The following DAB1 variants were observed in gnomAD, a reference collection of about 807,000 sequenced individuals.
DAB1 encodes the protein DAB adaptor protein 1.
In DAB1, 15 loss-of-function variants were observed where a neutral mutation model predicts 64.6. The ratio of observed to expected loss-of-function variants is 0.23; its 90% confidence interval spans 0.16 to 0.36. The LOEUF (loss-of-function observed/expected upper bound fraction) is 0.36, where lower values mean the gene tolerates loss of function less well. DAB1 is among the 10% of genes least tolerant of loss of function. DAB1 has a pLI of 1.00. For synonymous variants in DAB1, 235 were observed against 251.9 expected (o/e 0.93, Z 0.64); for missense variants, 596 against 706.7 (o/e 0.84, Z 1.78).
intron 7 of DAB1, among the ~76,000 whole-genome samples, chr1:57,530,124 C>T (rs1361933480): frequency 6.6e-6 from 1 of 152,106 alleles, no homozygotes; most frequent in African/African-American, 2.4e-5. Flanking sequence ...TAGGAGGACA[C>T]GTGCAAATAC....
At chr1:58,099,786 A>T (rs927813574) in intron 5 of DAB1, among the ~76,000 whole-genome samples, 2 of 152,176 alleles carry the variant, frequency 1.3e-5, no homozygotes, top group African/African-American at 4.8e-5. Context: ...CACAGGAAAA[A>T]AGTTTATTGT....
At chr1:57,821,276 A>C (rs1197049199), downstream of DAB1, among the ~76,000 whole-genome samples, 1 of 152,174 alleles carries the variant, frequency 6.6e-6, no homozygotes, top group Non-Finnish European at 1.5e-5. Context: ...GCCAGAAGGT[A>C]CACTCAATAA....
At chr1:58,412,951 T>A (rs1040178884) in intron 3 of DAB1, among the ~76,000 whole-genome samples, 2 of 152,248 alleles carry the variant, frequency 1.3e-5, no homozygotes, top group African/African-American at 4.8e-5. Flanking sequence ...GAGAGACCTA[T>A]TTAAATAAGT....
intron 5 of DAB1, among the ~76,000 whole-genome samples, chr1:58,063,618 G>A (rs1648649536): frequency 6.6e-6 from 1 of 152,186 alleles, no homozygotes. Flanking sequence ...GCAACTGGGT[G>A]TCTCAGAGCC....
chr1:58,508,185 T>C (rs1168535863), intron 2 of DAB1, among the ~76,000 whole-genome samples: 1 of 152,202 alleles, frequency 6.6e-6, no homozygotes, highest in Non-Finnish European at 1.5e-5. Context: ...ACTTGAGATA[T>C]CTACTTTAAT....
At chr1:58,096,228 T>C (rs1316423055) in intron 5 of DAB1, among the ~76,000 whole-genome samples, 3 of 152,242 alleles carry the variant, frequency 2.0e-5, no homozygotes, top group Non-Finnish European at 4.4e-5. Context: ...CTTTGTGTGG[T>C]TGGTGTCTCT....
chr1:58,453,944 C>T (rs1163104003), intron 3 of DAB1, among the ~76,000 whole-genome samples: 3 of 152,078 alleles, frequency 2.0e-5, no homozygotes, highest in Non-Finnish European at 4.4e-5. Flanking sequence ...GGCTCTCCCT[C>T]ACACCTGCTT....
chr1:58,374,195 T>A (rs1644300463), intron 3 of DAB1, among the ~76,000 whole-genome samples: 2 of 124,510 alleles, frequency 1.6e-5, no homozygotes, highest in Non-Finnish European at 3.5e-5. Context: ...TAGATCCCAT[T>A]TGTCAATTTT....
intron 1 of DAB1, among the ~76,000 whole-genome samples, chr1:57,387,821 C>CAAAAAAAAAAAAAAAAAAA (rs55950458): frequency 9.6e-6 from 1 of 104,322 alleles, no homozygotes. Context: ...GACTCAGCCT[C>CAAAAAAAAAAAAAAAAAAA]AAAAAAAAAA....
chr1:58,369,801 C>T (rs980297327), intron 3 of DAB1, among the ~76,000 whole-genome samples: 1 of 152,180 alleles, frequency 6.6e-6, no homozygotes, highest in African/African-American at 2.4e-5. Flanking sequence ...GTATTTGAAA[C>T]ACATGGTGAC....
At chr1:58,374,213 G>C (rs1331087389) in intron 3 of DAB1, among the ~76,000 whole-genome samples, 2 of 129,702 alleles carry the variant, frequency 1.5e-5, no homozygotes, top group Non-Finnish European at 3.4e-5. Flanking sequence ...TTTGGCTTTT[G>C]TTGCCATTGT....
chr1:57,146,305 T>C (rs1352499499), intron 2 of DAB1, among the ~76,000 whole-genome samples: 1 of 152,224 alleles, frequency 6.6e-6, no homozygotes, highest in Non-Finnish European at 1.5e-5. Context: ...TACATAGGAA[T>C]TCAAACCCAT....
chr1:57,600,338 TA>T (rs1330304678), intron 7 of DAB1, among the ~76,000 whole-genome samples: 2 of 151,792 alleles, frequency 1.3e-5, no homozygotes, highest in African/African-American at 4.8e-5. Context: ...TAGAGAAAAA[TA>T]AAAAATCTCA....
At chr1:58,194,526 A>G (rs1267180728) in intron 4 of DAB1, among the ~76,000 whole-genome samples, 2 of 152,218 alleles carry the variant, frequency 1.3e-5, no homozygotes, top group African/African-American at 4.8e-5. Context: ...TTCTGGAAAG[A>G]TTAATGTTTG....
intron 4 of DAB1, among the ~76,000 whole-genome samples, chr1:58,205,975 T>C (rs1658255733): frequency 6.6e-6 from 1 of 152,190 alleles, no homozygotes; most frequent in East Asian, 1.9e-4. Flanking sequence ...TGAGTATTTT[T>C]TTTTAATCAT....
At chr1:57,154,875 A>G (rs1660060259) in intron 2 of DAB1, among the ~76,000 whole-genome samples, 1 of 152,090 alleles carries the variant, frequency 6.6e-6, no homozygotes, top group South Asian at 2.1e-4. Flanking sequence ...TCTTTGTCCA[A>G]TTTTTGATCA....
intron 5 of DAB1, among the ~76,000 whole-genome samples, chr1:58,071,201 G>A (rs1053121025): frequency 2.6e-4 from 39 of 152,154 alleles, no homozygotes; most frequent in South Asian, 8.3e-4. Flanking sequence ...AAGTTCTTTC[G>A]TGTGTTGTAT....
rs140455656 is a variant in DAB1, at chr1:58,408,564, G to A, written n.258-65161C>T. Among the ~76,000 whole-genome samples the A allele has an allele frequency of 6.5e-3, 984 of 152,274 alleles. 9 individuals are homozygous for A. The highest frequency in any genetic ancestry group is 0.023 in the African/African-American group (938 of 41,558). On this transcript the variant is annotated intron_variant and non_coding_transcript_variant, in intron 3 of 20. Transcript: ENST00000485760. Reference sequence around the variant, plus strand: ...TGTGTATTAAGTGATTGAATAAGTGGAAGATCTGATTGGTGGGAAAGCAGG... The same window carrying A: ...TGTGTATTAAGTGATTGAATAAGTGAAAGATCTGATTGGTGGGAAAGCAGG...
intron 5 of DAB1, among the ~76,000 whole-genome samples, chr1:58,145,885 CA>C (rs1455660381): frequency 6.6e-6 from 1 of 152,204 alleles, no homozygotes; most frequent in Non-Finnish European, 1.5e-5. Context: ...TCCACTTACA[CA>C]TAGATTTTCT....
Sources: gnomAD v4.1 joint callset for allele counts (sites outside exome capture counted in the v4.1 genomes callset) on GRCh38, gnomAD v4.1.1 for gene constraint, MANE v1.5 for transcripts, NCBI Gene and HGNC (gene_info 2026-07-23, HGNC 2026-07-21) for gene names.